The following ABCA9 variants were observed in gnomAD, a reference collection of about 807,000 sequenced individuals.
ABCA9 encodes the protein ATP-binding cassette sub-family A member 9.
In ABCA9, 183 loss-of-function variants were observed where a neutral mutation model predicts 205.3. That is an observed-to-expected ratio of 0.89 (90% confidence interval 0.79 to 1.01). ABCA9 has a LOEUF of 1.01. Among genes scored for constraint, ABCA9 ranks in the 50% least tolerant of loss-of-function variants. ABCA9 has a pLI of 0.00. For missense variants in ABCA9, 1,805 were observed against 1,912.4 expected, an observed-to-expected ratio of 0.94 and a Z score of 1.05; for synonymous variants, 651 against 683.3, an observed-to-expected ratio of 0.95 and a Z score of 0.74.
the ABCA9 span, among the ~76,000 whole-genome samples, chr17:69,066,323 T>C: frequency 6.6e-6 from 1 of 152,192 alleles, no homozygotes; most frequent in Non-Finnish European, 1.5e-5. Flanking sequence ...TACATATGTT[T>C]TAAGTTTTAA....
rs780214485 is a variant in ABCA9, at chr17:69,008,137, G to A, written c.3246C>T (p.Leu1082=). ...LVDVSLYFLI[L]LLMQIMDYIF... is the part of the protein sequence containing the mutation. ...TATAATCCATTATTTGCATTAGCAGGAGGATCAAAAAGTACAGGGAAACAT... is the reference window on the plus strand; with the variant it reads ...TATAATCCATTATTTGCATTAGCAGAAGGATCAAAAAGTACAGGGAAACAT... Residue 1082 remains leucine, a synonymous_variant, in exon 24 of 39, where the codon CTC becomes CTT. Coordinates refer to ENST00000340001, the MANE Select transcript of ABCA9 (RefSeq NM_080283.4). The A allele has an allele frequency of 2.5e-6, 4 of 1,612,976 alleles. No individual in the cohort carries two copies. The African/African-American group carries it at 4.0e-5, about 16-fold the overall frequency.
chr17:69,054,655 AAAT>A (rs1461525359), intron 1 of ABCA9, among the ~76,000 whole-genome samples: 3 of 152,058 alleles, frequency 2.0e-5, no homozygotes, highest in Non-Finnish European at 4.4e-5. Context: ...ACATAATAGA[AAAT>A]AATAGCAATG....
chr17:69,009,038 C>T (rs1400441614), intron 23 of ABCA9, among the ~76,000 whole-genome samples: 1 of 152,070 alleles, frequency 6.6e-6, no homozygotes, highest in Non-Finnish European at 1.5e-5. Flanking sequence ...ATAGTGAGGA[C>T]CGTTAGAGAG....
Position 69,027,792 on chromosome 17 carries a change from T to G in ABCA9, c.1639A>C (p.Thr547Pro), listed in dbSNP as rs1250282616. The G allele has an allele frequency of 2.5e-6, 4 of 1,612,012 alleles. No individual in the cohort carries two copies. The South Asian group carries it at 4.4e-5, about 18-fold the overall frequency. The change falls in exon 13 of 39, where the codon ACA becomes CCA. Residue 547 changes from threonine (T) to proline (P), a missense_variant. Thr to Pro is a conservative substitution (Grantham distance 38). Coordinates refer to ENST00000340001, the MANE Select transcript of ABCA9 (RefSeq NM_080283.4). ...TCTATATCAGCCATTCTTGAAAGTGTGTGATTATAGACAGTGACTGAACCT... is the reference window on the plus strand; with the variant it reads ...TCTATATCAGCCATTCTTGAAAGTGGGTGATTATAGACAGTGACTGAACCT... ...TSGSVTVYNHTLSRMADIENI... is the reference protein window; with the variant it reads ...TSGSVTVYNHPLSRMADIENI...
At chr17:69,072,924 A>T in the ABCA9 span, among the ~76,000 whole-genome samples, 3 of 152,318 alleles carry the variant, frequency 2.0e-5, no homozygotes, top group Middle Eastern at 3.4e-3. Context: ...AGCAAATGGA[A>T]AGCAAATAAA....
At chr17:69,067,919 G>A in the ABCA9 span, among the ~76,000 whole-genome samples, 4 of 152,176 alleles carry the variant, frequency 2.6e-5, no homozygotes, top group Admixed American at 6.5e-5. Flanking sequence ...TATAGTAGAT[G>A]CTCATCTCTG....
intron 10 of ABCA9, 136 bp from the exon 11 acceptor site, chr17:69,029,363 G>A (rs374791326): frequency 5.5e-6 from 3 of 549,866 alleles, no homozygotes; most frequent in South Asian, 5.7e-5. Context: ...AGAAAATCTG[G>A]GGATTATTTT....
chr17:69,055,656 C>T (rs1214389716), intron 1 of ABCA9, among the ~76,000 whole-genome samples: 4 of 151,942 alleles, frequency 2.6e-5, no homozygotes, highest in East Asian at 1.9e-4. Context: ...TATAATCAAC[C>T]GATTGGGTAA....
chr17:69,018,111 C>G, intron 20 of ABCA9: 1 of 374,868 alleles, frequency 2.7e-6, no homozygotes. Context: ...CAGAGCCCAG[C>G]ACAGCACAGA....
Position 69,028,582 on chromosome 17 carries a change from T to G in ABCA9, c.1568A>C (p.Lys523Thr), listed in dbSNP as rs948187496. ...ACTAAGTATGTTTAACAGGGTAGTT[T>G]TTCCAGCTCCACTGTGACCAAGGAG... ...TALLGHSGAG[K>T]TTLLNILSGL... The change falls in exon 12 of 39, where the codon AAA becomes ACA. Residue 523 changes from lysine (K) to threonine (T), a missense_variant. By Grantham distance (78) the Lys-to-Thr change is moderately conservative (BLOSUM62 -1). Coordinates refer to ENST00000340001, the MANE Select transcript of ABCA9 (RefSeq NM_080283.4). The G allele has an allele frequency of 3.7e-6, 6 of 1,611,028 alleles. No homozygotes were observed. Among genetic ancestry groups the G allele is most frequent in the Non-Finnish European group, 5.1e-6 (6 of 1,178,422 alleles).
At chr17:69,040,798 A>C (rs923163194) in intron 6 of ABCA9, among the ~76,000 whole-genome samples, 1 of 150,204 alleles carries the variant, frequency 6.7e-6, no homozygotes, top group African/African-American at 2.4e-5. Context: ...AATATAGATA[A>C]TTAGATATAG....
rs769518296 is a variant in ABCA9 at position 68,983,773 on chromosome 17, C to T, written c.4576G>A (p.Ala1526Thr). The T allele has an allele frequency of 6.2e-7, 1 of 1,614,170 alleles. No homozygotes were observed. The highest frequency in any genetic ancestry group is 8.5e-7 in the Non-Finnish European group (1 of 1,180,018). The change falls in exon 36 of 39, where the codon GCA (alanine) becomes ACA (threonine). Residue 1526 changes from alanine to threonine, a missense_variant. Transcript: ENST00000340001. ...YLLEMKLKNL[A>T]QMEPLHAEIL... is the part of the protein sequence containing the mutation. ...TCTGCATGGAGGGGCTCCATTTGTG[C>T]CAGGTTCTTCAGCTTCATCTCCAGC...
the ABCA9 span, among the ~76,000 whole-genome samples, chr17:69,072,564 C>T: frequency 1.3e-5 from 2 of 151,864 alleles, no homozygotes; most frequent in Non-Finnish European, 2.9e-5. Context: ...TTTGTCACCA[C>T]CAGGCCTGCC....
intron 29 of ABCA9, among the ~76,000 whole-genome samples, chr17:68,990,428 C>T (rs1567919539): frequency 6.6e-6 from 1 of 152,242 alleles, no homozygotes; most frequent in African/African-American, 2.4e-5. Context: ...GTCACCCAAA[C>T]TAGGGTGCAA....
upstream of ABCA9, among the ~76,000 whole-genome samples, chr17:69,065,013 C>T (rs2072331742): frequency 6.6e-6 from 1 of 152,168 alleles, no homozygotes; most frequent in African/African-American, 2.4e-5. Flanking sequence ...GCTTTCTCAT[C>T]CAGATATGAT....
In ABCA9 at chr17:68,983,702, T is replaced by C. The variant is rs763532960; in HGVS notation, c.4640+7A>G. On this transcript the variant is annotated splice_region_variant and intron_variant, in intron 36 of 38. Transcript: ENST00000340001. ...GGACTGTGATAAAACAAAACACCTG[T>C]GTCTACCTTTCCTGCTGAGCAGCCT... The C allele has an allele frequency of 4.2e-5, 67 of 1,613,864 alleles. No homozygotes were observed. The East Asian group carries it at 1.4e-3, about 35-fold the overall frequency.
At chr17:69,078,865 T>C in the ABCA9 span, 1 of 645,912 alleles carries the variant, frequency 1.5e-6, no homozygotes, top group African/African-American at 1.9e-5. Context: ...ATTTACAAAA[T>C]ATACCTGATG....
At chr17:69,034,605 T>G (rs561227260) in intron 8 of ABCA9, 19 of 152,254 alleles carry the variant, frequency 1.2e-4, no homozygotes, top group African/African-American at 4.3e-4. Context: ...CAATGGACAT[T>G]TACGTTGTTT....
chr17:68,990,459 GTA>G (rs2069410923), intron 29 of ABCA9, among the ~76,000 whole-genome samples: 2 of 152,196 alleles, frequency 1.3e-5, no homozygotes, highest in South Asian at 4.1e-4. Context: ...ATATCTCACT[GTA>G]GCCTTGAACT....
Sources: allele counts gnomAD v4.1 joint callset (sites outside exome capture counted in the v4.1 genomes callset), GRCh38; gene constraint gnomAD v4.1.1; transcripts MANE v1.5; gene names NCBI Gene and HGNC (gene_info 2026-07-23, HGNC 2026-07-21).